CTNNA2: variants seen among roughly 807,000 people sequenced by gnomAD.
CTNNA2 encodes catenin alpha-2.
A neutral mutation model predicts 101.0 loss-of-function variants in CTNNA2; 42 were observed. The ratio of observed to expected loss-of-function variants is 0.42; its 90% CI spans 0.32 to 0.54. The LOEUF (loss-of-function observed/expected upper bound fraction) is 0.54, where lower values mean the gene tolerates loss of function less well. Among genes scored for constraint, CTNNA2 ranks in the 20% least tolerant of loss-of-function variants. The pLI is 0.14. For missense variants in CTNNA2, 871 were observed against 1,223.1 expected, an observed-to-expected ratio of 0.71 and a Z score of 4.29; for synonymous variants, 450 against 456.4, an observed-to-expected ratio of 0.99 and a Z score of 0.18.
intron 3 of CTNNA2, among the ~76,000 whole-genome samples, chr2:79,815,584 A>T (rs1677423228): frequency 6.6e-6 from 1 of 152,030 alleles, no homozygotes; most frequent in African/African-American, 2.4e-5. Flanking sequence ...TATTGGGTTT[A>T]TTTCTGGGTT....
chr2:80,009,524 C>T (rs1246723053), intron 7 of CTNNA2, among the ~76,000 whole-genome samples: 1 of 152,162 alleles, frequency 6.6e-6, no homozygotes, highest in Non-Finnish European at 1.5e-5. Flanking sequence ...ATTCCCAAAA[C>T]ACACAGGCAT....
chr2:80,456,801 G>A (rs1684016388), intron 9 of CTNNA2, among the ~76,000 whole-genome samples: 1 of 152,094 alleles, frequency 6.6e-6, no homozygotes, highest in Non-Finnish European at 1.5e-5. Flanking sequence ...GCACATGGAG[G>A]TCGAGTAGAA....
At position 80,269,999 on chromosome 2, in the gene CTNNA2, G is replaced by A. The variant is rs556585905; in HGVS notation, c.1057-123212G>A. ...CTAATAAACCAGGGGCTGTAAACAA[G>A]AGGCTATAATCAGCGCCATAAACCA... On this transcript the variant is annotated intron_variant, in intron 7 of 18. Transcript: ENST00000402739. Among the ~76,000 whole-genome samples, 29 of 152,314 alleles carry A rather than the reference G, an allele frequency of 1.9e-4. No homozygotes were observed. The East Asian group carries it at 5.6e-3, about 29-fold the overall frequency.
At chr2:79,247,968 C>T (rs1175838030) in intron 2 of CTNNA2, among the ~76,000 whole-genome samples, 1 of 152,190 alleles carries the variant, frequency 6.6e-6, no homozygotes, top group Non-Finnish European at 1.5e-5. Flanking sequence ...TTTCATAGTT[C>T]TGGCTTCCAG....
intron 2 of CTNNA2, among the ~76,000 whole-genome samples, chr2:79,298,311 A>G: frequency 6.6e-6 from 1 of 152,250 alleles, no homozygotes; most frequent in Non-Finnish European, 1.5e-5. Flanking sequence ...ATAGAGAAAG[A>G]GTTCATTTAT....
intron 4 of CTNNA2, among the ~76,000 whole-genome samples, chr2:79,399,566 T>C (rs1678268483): frequency 6.6e-6 from 1 of 152,204 alleles, no homozygotes; most frequent in East Asian, 1.9e-4. Flanking sequence ...ATACAGACTT[T>C]ACATAATAGT....
intron 3 of CTNNA2, among the ~76,000 whole-genome samples, chr2:79,745,417 T>G (rs1351506376): frequency 6.6e-6 from 1 of 151,092 alleles, no homozygotes. Context: ...GGTGACAGAG[T>G]GAGACTCCAT....
chr2:80,541,463 G>A (rs1691548260), intron 9 of CTNNA2, among the ~76,000 whole-genome samples: 1 of 152,126 alleles, frequency 6.6e-6, no homozygotes, highest in South Asian at 2.1e-4. Context: ...AGATTCTGTT[G>A]GGTGAGGAGT....
chr2:79,865,927 G>A (rs1682050929), intron 4 of CTNNA2, among the ~76,000 whole-genome samples: 1 of 152,176 alleles, frequency 6.6e-6, no homozygotes, highest in African/African-American at 2.4e-5. Flanking sequence ...CACTGTGTTA[G>A]CCAGGATGGT....
intron 9 of CTNNA2, among the ~76,000 whole-genome samples, chr2:80,462,739 C>A (rs1277157429): frequency 6.8e-6 from 1 of 146,414 alleles, no homozygotes; most frequent in African/African-American, 2.5e-5. Context: ...CGAAAAGACA[C>A]TAGGACATGG....
At chr2:80,136,207 G>C (rs1166324158) in intron 7 of CTNNA2, among the ~76,000 whole-genome samples, 1 of 152,122 alleles carries the variant, frequency 6.6e-6, no homozygotes, top group Non-Finnish European at 1.5e-5. Context: ...GACTGTTCTT[G>C]ATGCATAGGC....
intron 7 of CTNNA2, among the ~76,000 whole-genome samples, chr2:80,119,405 A>G (rs893289013): frequency 6.6e-6 from 1 of 152,204 alleles, no homozygotes; most frequent in Non-Finnish European, 1.5e-5. Context: ...TCTTGCAAAG[A>G]AAGCACCTAT....
chr2:79,194,475 G>A (rs1454903491), intron 1 of CTNNA2, among the ~76,000 whole-genome samples: 1 of 152,178 alleles, frequency 6.6e-6, no homozygotes, highest in Non-Finnish European at 1.5e-5. Context: ...CAGGCTATTG[G>A]TCTTTCTCTG....
chr2:80,560,817 C>T (rs1399101786), intron 12 of CTNNA2, among the ~76,000 whole-genome samples: 2 of 152,136 alleles, frequency 1.3e-5, no homozygotes, highest in East Asian at 1.9e-4. Flanking sequence ...CTGCTTACAA[C>T]AGGATTGTCT....
chr2:79,761,934 C>A (rs1291810870), intron 3 of CTNNA2, among the ~76,000 whole-genome samples: 2 of 152,104 alleles, frequency 1.3e-5, no homozygotes, highest in East Asian at 1.9e-4. Context: ...ATAACTAATA[C>A]ATCTCTTTTT....
chr2:79,869,906 CTT>C lies in CTNNA2; in HGVS notation c.557_558del (p.Leu186GlnfsTer19), dbSNP rs762016918. 6.2e-7 allele frequency: 1 copy of C among 1,613,914 alleles called. No homozygotes were observed. Among genetic ancestry groups the C allele is most frequent in the African/African-American group, 1.3e-5 (1 of 74,908 alleles). On this transcript the variant is annotated frameshift_variant, in exon 5 of 19. Transcript: ENST00000402739. LOFTEE classifies it high-confidence loss of function. ...AGAGTTTGGGAAAGAGATGGTGAAA[CTT>C]AACTATGTAGCAGCAAGAAGACAAC... Reference protein sequence around the residue: ...FKEFGKEMVKLNYVAARRQQE... With the variant: ...FKEFGKEMVKXNYVAARRQQE...
At chr2:80,280,536 T>TG (rs767215088) in intron 7 of CTNNA2, among the ~76,000 whole-genome samples, 17 of 151,818 alleles carry the variant, frequency 1.1e-4, no homozygotes, top group Non-Finnish European at 2.5e-4. Flanking sequence ...CATACAATCT[T>TG]GCGCTGATCT....
At chr2:79,383,685 C>A (rs143931191) in intron 4 of CTNNA2, among the ~76,000 whole-genome samples, 82 of 152,276 alleles carry the variant, frequency 5.4e-4, no homozygotes, top group Admixed American at 1.0e-3. Context: ...TGGGCTTTAA[C>A]AAATAAGCTG....
At chr2:79,607,958 A>G (rs1412943091) in intron 1 of CTNNA2, among the ~76,000 whole-genome samples, 2 of 151,956 alleles carry the variant, frequency 1.3e-5, no homozygotes, top group Non-Finnish European at 2.9e-5. Context: ...AGAGAAAATC[A>G]GTGAAAACAA....
Sources: allele counts gnomAD v4.1 joint callset (sites outside exome capture counted in the v4.1 genomes callset), GRCh38; gene constraint gnomAD v4.1.1; transcripts MANE v1.5; gene names NCBI Gene and HGNC (gene_info 2026-07-23, HGNC 2026-07-21).